ABLIM2: variants seen among roughly 807,000 people sequenced by gnomAD.
The protein encoded by ABLIM2 is actin binding LIM protein family member 2.
A neutral mutation model predicts 97.7 loss-of-function variants in ABLIM2; 53 were observed. The ratio of observed to expected loss-of-function variants is 0.54; its 90% confidence interval spans 0.44 to 0.68. ABLIM2 has a LOEUF of 0.68. Among genes scored for constraint, ABLIM2 ranks in the 30% least tolerant of loss-of-function variants. The pLI is 0.00. For synonymous variants in ABLIM2, 361 were observed against 345.8 expected (o/e 1.04, Z -0.49); for missense variants, 835 against 867.2 (o/e 0.96, Z 0.47).
At chr4:8,047,174 C>T (rs1249992403) in intron 8 of ABLIM2, among the ~76,000 whole-genome samples, 1 of 152,190 alleles carries the variant, frequency 6.6e-6, no homozygotes, top group Non-Finnish European at 1.5e-5. Flanking sequence ...GTGGGTGGCG[C>T]CTGGGCAACC....
chr4:8,131,339 CCTT>C (rs1849331187), intron 1 of ABLIM2, among the ~76,000 whole-genome samples: 2 of 152,210 alleles, frequency 1.3e-5, no homozygotes, highest in Admixed American at 6.5e-5. Context: ...ACTCAACTCA[CCTT>C]CTTATATAAC....
intron 3 of ABLIM2, among the ~76,000 whole-genome samples, chr4:8,089,149 G>A (rs1053868147): frequency 4.6e-5 from 7 of 152,216 alleles, no homozygotes; most frequent in African/African-American, 1.7e-4. Context: ...TGCCTGGAGT[G>A]AGGCCAGGTG....
At chr4:8,008,688 C>T (rs1413331436) in intron 15 of ABLIM2, among the ~76,000 whole-genome samples, 1 of 152,214 alleles carries the variant, frequency 6.6e-6, no homozygotes, top group Non-Finnish European at 1.5e-5. Context: ...GATGGTTCAG[C>T]CCACAAAGCC....
chr4:7,989,873 T>C (rs553229775), intron 17 of ABLIM2, among the ~76,000 whole-genome samples: 3 of 152,312 alleles, frequency 2.0e-5, no homozygotes, highest in African/African-American at 4.8e-5. Flanking sequence ...ATCAGAGTCA[T>C]TACTGCCTTA....
Position 8,144,481 on chromosome 4 carries a change from CGCTGA to C in ABLIM2, c.10+14194_10+14198del, listed in dbSNP as rs548078450. Among the ~76,000 whole-genome samples, 180 of 152,152 alleles carry C rather than the reference CGCTGA, an allele frequency of 1.2e-3. 1 individual carries two copies. The highest frequency in any genetic ancestry group is 4.0e-3 in the African/African-American group (168 of 41,532). On this transcript the variant is annotated intron_variant, in intron 1 of 20. Transcript: ENST00000447017. ...CAGACAGCACATAAAATGACTCCCG[CGCTGA>C]GCTGCGAGAAGGCTTGTGAAAGCCT... is the stretch of plus-strand genomic sequence containing the variant.
Position 8,146,643 on chromosome 4 carries a change from G to A in ABLIM2, c.10+12037C>T, listed in dbSNP as rs148962336. The stretch of plus-strand genomic sequence containing the variant: ...CAGCCTCAACCTCCCAGGCTCAAGC[G>A]ATCCTCCTGCCTCAGCCTCCAGAGT... On this transcript the variant is annotated intron_variant, in intron 1 of 20. Coordinates refer to ENST00000447017, the MANE Select transcript of ABLIM2 (RefSeq NM_001130083.2). 7.9e-3 allele frequency among the ~76,000 whole-genome samples: 1,203 copies of A among 152,252 alleles called. 21 individuals carry two copies. The highest frequency in any genetic ancestry group is 0.028 in the African/African-American group (1,149 of 41,528).
intron 20 of ABLIM2, among the ~76,000 whole-genome samples, chr4:7,974,421 ATCCACCCACCCT>A (rs1486118981): frequency 2.8e-3 from 395 of 139,088 alleles, no homozygotes; most frequent in Non-Finnish European, 4.6e-3. Context: ...CCACCAATCC[ATCCACCCACCCT>A]TCCACCCACC....
At chr4:7,975,639 C>A (rs570444235) in intron 20 of ABLIM2, among the ~76,000 whole-genome samples, 1 of 152,356 alleles carries the variant, frequency 6.6e-6, no homozygotes, top group South Asian at 2.1e-4. Context: ...CAAACTTAAT[C>A]TGCCTGCTTG....
At chr4:7,987,360 C>G (rs1021540467) in intron 17 of ABLIM2, among the ~76,000 whole-genome samples, 3 of 152,018 alleles carry the variant, frequency 2.0e-5, no homozygotes, top group African/African-American at 7.3e-5. Context: ...TGGCTTCAAG[C>G]AATCCTCTCA....
chr4:8,084,270 C>A (rs1821839548), intron 4 of ABLIM2, among the ~76,000 whole-genome samples: 1 of 152,160 alleles, frequency 6.6e-6, no homozygotes, highest in South Asian at 2.1e-4. Context: ...TGCCATGGGC[C>A]CAGAGCGGGA....
rs775346683 is a variant in ABLIM2, at chr4:7,970,489, A to T, written c.1825-3386T>A. Among the ~76,000 whole-genome samples the T allele has an allele frequency of 7.2e-5, 11 of 151,850 alleles. No homozygotes were observed. Among genetic ancestry groups the T allele is most frequent in the Non-Finnish European group, 1.3e-4 (9 of 67,950 alleles). On this transcript the variant is annotated intron_variant, in intron 20 of 20. Coordinates refer to ENST00000447017, the MANE Select transcript of ABLIM2 (RefSeq NM_001130083.2). This position sits in a 1 kb window ranked among gnomAD's most constrained non-coding sequence, Gnocchi z 5.3. ...GGAGGGAGGAGTGGAGAGGGAGCGGATGGTGGGCAGGCGTGCCCCGCATGC... is the reference window on the plus strand; with the variant it reads ...GGAGGGAGGAGTGGAGAGGGAGCGGTTGGTGGGCAGGCGTGCCCCGCATGC...
chr4:8,092,109 T>A (rs556729455), intron 3 of ABLIM2, among the ~76,000 whole-genome samples: 1 of 150,670 alleles, frequency 6.6e-6, no homozygotes, highest in South Asian at 2.1e-4. Flanking sequence ...GTGATCCTCC[T>A]GCCTCAGCCT....
chr4:8,056,112 C>CAAAAAAAAAA (rs60992903), intron 7 of ABLIM2, among the ~76,000 whole-genome samples: 1,549 of 68,176 alleles, frequency 0.023, 179 homozygotes, highest in Non-Finnish European at 0.026. Context: ...GACTCTGTCT[C>CAAAAAAAAAA]AAAAAAAAAA....
At chr4:8,049,630 G>C in intron 8 of ABLIM2, among the ~76,000 whole-genome samples, 1 of 152,198 alleles carries the variant, frequency 6.6e-6, no homozygotes, top group Non-Finnish European at 1.5e-5. Flanking sequence ...TCTGAAGCCT[G>C]CTACCTGGCA....
intron 6 of ABLIM2, chr4:8,066,812 T>G (rs1808178357): frequency 6.6e-6 from 1 of 152,126 alleles, no homozygotes; most frequent in African/African-American, 2.4e-5. Context: ...GAAAAAGTTT[T>G]GGAACTAGAG....
chr4:8,039,371 C>G (rs562808912), intron 9 of ABLIM2, among the ~76,000 whole-genome samples: 8 of 152,322 alleles, frequency 5.3e-5, no homozygotes, highest in Admixed American at 1.3e-4. Flanking sequence ...CTTCCCTGAA[C>G]CACCCAGCCC....
chr4:8,142,883 G>A (rs1304870135), intron 1 of ABLIM2, among the ~76,000 whole-genome samples: 2 of 152,192 alleles, frequency 1.3e-5, no homozygotes, highest in Non-Finnish European at 2.9e-5. Flanking sequence ...CGGCCCTTGA[G>A]GAACCTCAGG....
chr4:8,060,544 GT>G (rs1302976864), intron 7 of ABLIM2, among the ~76,000 whole-genome samples: 1 of 152,204 alleles, frequency 6.6e-6, no homozygotes, highest in African/African-American at 2.4e-5. Flanking sequence ...GGACAGAGGG[GT>G]TGCAGCAGGC....
At position 8,122,882 on chromosome 4, in the gene ABLIM2, G is replaced by A. The variant is rs145638046; in HGVS notation, c.11-16245C>T. 1.9e-3 allele frequency among the ~76,000 whole-genome samples: 284 copies of A among 152,224 alleles called. No individual in the cohort carries two copies. Among genetic ancestry groups the A allele is most frequent in the Admixed American group, 2.8e-3 (43 of 15,298 alleles). On this transcript the variant is annotated intron_variant, in intron 1 of 20. Coordinates refer to ENST00000447017, the MANE Select transcript of ABLIM2 (RefSeq NM_001130083.2). This position sits in a 1 kb window ranked among gnomAD's most constrained non-coding sequence, Gnocchi z 4.1. Reference sequence around the variant, plus strand: ...CTGGCCTTTTCCACCATGCCCCACCGCGTGGATGAGGGGATGGGAGAGGGA... The same window carrying A: ...CTGGCCTTTTCCACCATGCCCCACCACGTGGATGAGGGGATGGGAGAGGGA...
Sources: allele counts gnomAD v4.1 joint callset (sites outside exome capture counted in the v4.1 genomes callset), GRCh38; gene constraint gnomAD v4.1.1; non-coding constraint Gnocchi (gnomAD v3.1); transcripts MANE v1.5; gene names NCBI Gene and HGNC (gene_info 2026-07-23, HGNC 2026-07-21).